The following LINGO2 variants were observed in gnomAD, a reference collection of about 807,000 sequenced individuals.
LINGO2 encodes leucine-rich repeat and immunoglobulin-like domain-containing nogo receptor-interacting protein 2.
A neutral mutation model predicts 30.6 loss-of-function variants in LINGO2; 14 were observed. That is an observed-to-expected ratio of 0.46 (90% CI 0.30 to 0.72). The LOEUF (loss-of-function observed/expected upper bound fraction) is 0.72, where lower values mean the gene tolerates loss of function less well. LINGO2 is among the 30% of genes least tolerant of loss of function. The probability of loss-of-function intolerance (pLI) is 0.07; values close to 1 mark genes in which losing one functional copy is unlikely to be tolerated. For synonymous variants in LINGO2, 317 were observed against 288.5 expected (o/e 1.10, Z -1.00); for missense variants, 729 against 751.7 (o/e 0.97, Z 0.35).
chr9:28,046,734 T>TCC (rs1426111685), intron 4 of LINGO2, among the ~76,000 whole-genome samples: 3 of 151,598 alleles, frequency 2.0e-5, no homozygotes, highest in Non-Finnish European at 4.4e-5. Context: ...TCCACATATC[T>TCC]CCTCTTTATC....
chr9:28,720,641 A>T, the LINGO2 span, among the ~76,000 whole-genome samples: 1 of 152,138 alleles, frequency 6.6e-6, no homozygotes, highest in East Asian at 1.9e-4. Flanking sequence ...ATATTATTTG[A>T]CCTAATTGAT....
intron 2 of LINGO2, among the ~76,000 whole-genome samples, chr9:28,464,752 T>G (rs904798756): frequency 6.6e-6 from 1 of 152,248 alleles, no homozygotes; most frequent in African/African-American, 2.4e-5. Context: ...AATTACTTAA[T>G]AGCTCACTAC....
At chr9:28,535,726 G>A (rs1323397335) in intron 1 of LINGO2, among the ~76,000 whole-genome samples, 9 of 149,964 alleles carry the variant, frequency 6.0e-5, no homozygotes, top group South Asian at 4.2e-4. Context: ...ACGTGTGGAC[G>A]CACACACACA....
intron 2 of LINGO2, among the ~76,000 whole-genome samples, chr9:28,376,220 G>C (rs992640533): frequency 6.6e-6 from 1 of 151,938 alleles, no homozygotes; most frequent in Non-Finnish European, 1.5e-5. Context: ...TAGGGTACTG[G>C]CTGAGGATGG....
intron 5 of LINGO2, among the ~76,000 whole-genome samples, chr9:27,980,189 C>T (rs995933717): frequency 7.2e-5 from 11 of 151,894 alleles, no homozygotes; most frequent in African/African-American, 2.7e-4. Context: ...AGTAATGAAG[C>T]CAGTCTTAAA....
Position 28,350,034 on chromosome 9 carries a change from G to A in LINGO2, c.-246+22802C>T, listed in dbSNP as rs374318616. ...TGGAAAGGAACAACCGGTACCAGCC[G>A]CTGCAAAATCATGCCAAAATGTAAA... is the stretch of plus-strand genomic sequence containing the variant. On this transcript the variant is annotated intron_variant, in intron 3 of 5. Transcript: ENST00000379992. Among the ~76,000 whole-genome samples, 576 of 148,652 alleles carry A rather than the reference G, an allele frequency of 3.9e-3. 5 individuals are homozygous for A. The highest frequency in any genetic ancestry group is 0.013 in the African/African-American group (531 of 40,106).
intron 4 of LINGO2, among the ~76,000 whole-genome samples, chr9:28,030,369 T>A (rs1425614291): frequency 6.6e-6 from 1 of 152,218 alleles, no homozygotes; most frequent in East Asian, 1.9e-4. Context: ...TTGTGTTGAC[T>A]AACAAGTCAA....
the LINGO2 span, among the ~76,000 whole-genome samples, chr9:29,135,815 C>T: frequency 6.6e-6 from 1 of 152,216 alleles, no homozygotes; most frequent in Admixed American, 6.5e-5. Flanking sequence ...CACCATTCTG[C>T]TTTCTGTTTC....
chr9:29,211,583 C>CTTCTCTTCTCTTCTCTTCTCT, the LINGO2 span, among the ~76,000 whole-genome samples: 29 of 148,246 alleles, frequency 2.0e-4, no homozygotes, highest in Non-Finnish European at 3.4e-4. Flanking sequence ...CTTCTCTTCT[C>CTTCTCTTCTCTTCTCTTCTCT]TCTCTCTCTC....
Position 28,009,361 on chromosome 9 carries a change from A to AG in LINGO2, c.-36+2993_-36+2994insC. 2.0e-5 allele frequency among the ~76,000 whole-genome samples: 3 copies of AG among 151,862 alleles called. No individual in the cohort carries two copies. The South Asian group carries it at 6.3e-4, about 32-fold the overall frequency. On this transcript the variant is annotated intron_variant, in intron 5 of 5. Coordinates refer to ENST00000379992, the Ensembl canonical transcript of LINGO2. ...GTATCAAAAGCACAAGTGATAAAAA[A>AG]AAAAAGATAAAATGGGCTCTATCAA...
the LINGO2 span, among the ~76,000 whole-genome samples, chr9:28,896,223 T>C: frequency 3.3e-5 from 5 of 152,310 alleles, no homozygotes; most frequent in East Asian, 1.9e-4. Flanking sequence ...GGCAACTTTG[T>C]TGTGTTCATG....
At chr9:29,082,028 C>T in the LINGO2 span, among the ~76,000 whole-genome samples, 1 of 152,114 alleles carries the variant, frequency 6.6e-6, no homozygotes, top group South Asian at 2.1e-4. Context: ...GATTCAATGC[C>T]ATCCCCATCA....
At chr9:29,027,423 C>T in the LINGO2 span, among the ~76,000 whole-genome samples, 20 of 152,116 alleles carry the variant, frequency 1.3e-4, no homozygotes, top group African/African-American at 4.6e-4. Flanking sequence ...CTGAAACCTC[C>T]ATCTTTCAGG....
chr9:28,757,354 C>G, the LINGO2 span, among the ~76,000 whole-genome samples: 1 of 152,060 alleles, frequency 6.6e-6, no homozygotes, highest in South Asian at 2.1e-4. Flanking sequence ...TGAACCCCTA[C>G]AATTACCCAG....
At chr9:28,826,277 A>G in the LINGO2 span, among the ~76,000 whole-genome samples, 2 of 152,316 alleles carry the variant, frequency 1.3e-5, no homozygotes, top group Admixed American at 1.3e-4. Context: ...TGTTACAGTA[A>G]GAAATTCTGT....
intron 4 of LINGO2, among the ~76,000 whole-genome samples, chr9:28,048,040 AAG>A (rs1357003386): frequency 6.6e-6 from 1 of 151,066 alleles, no homozygotes; most frequent in African/African-American, 2.4e-5. Flanking sequence ...TAAACTTACA[AAG>A]AAGTTTTAGA....
chr9:28,494,246 C>A (rs118159187), intron 1 of LINGO2, among the ~76,000 whole-genome samples: 1 of 151,976 alleles, frequency 6.6e-6, no homozygotes, highest in Non-Finnish European at 1.5e-5. Flanking sequence ...ACTTTAAGCA[C>A]TAGGGTACAT....
At chr9:28,697,875 G>A in the LINGO2 span, among the ~76,000 whole-genome samples, 1 of 151,996 alleles carries the variant, frequency 6.6e-6, no homozygotes, top group South Asian at 2.1e-4. Flanking sequence ...TTGCAAAGAA[G>A]CATACAACAT....
At chr9:28,281,272 G>T (rs1823314983) in intron 4 of LINGO2, among the ~76,000 whole-genome samples, 1 of 151,978 alleles carries the variant, frequency 6.6e-6, no homozygotes, top group South Asian at 2.1e-4. Context: ...TACTGGCAAA[G>T]AAACTACTTC....
Sources: allele counts gnomAD v4.1 joint callset (sites outside exome capture counted in the v4.1 genomes callset), GRCh38; gene constraint gnomAD v4.1.1; transcripts MANE v1.5; gene names NCBI Gene and HGNC (gene_info 2026-07-23, HGNC 2026-07-21).